PPP1R42: variants seen among roughly 807,000 people sequenced by gnomAD.
The protein encoded by PPP1R42 is leucine rich repeat containing 67.
Under a neutral mutation model 31.0 loss-of-function variants are expected in PPP1R42, and 34 were observed. That is an observed-to-expected ratio of 1.10 (90% confidence interval 0.83 to 1.46). PPP1R42 has a LOEUF of 1.46. Among genes scored for constraint, PPP1R42 ranks in the 40% most tolerant of loss-of-function variants. The pLI, the probability that PPP1R42 is intolerant of heterozygous loss-of-function variation, is 0.00. For missense variants in PPP1R42, 268 were observed against 303.0 expected, an observed-to-expected ratio of 0.88 and a Z score of 0.86; for synonymous variants, 103 against 109.8, an observed-to-expected ratio of 0.94 and a Z score of 0.39.
At chr8:67,023,150 G>C (rs1175895010) in intron 1 of PPP1R42, among the ~76,000 whole-genome samples, 1 of 129,742 alleles carries the variant, frequency 7.7e-6, no homozygotes, top group Non-Finnish European at 1.5e-5. Context: ...TTTTGAGACA[G>C]GGTCTCGCTC....
chr8:67,003,166 C>CAAAAAA (rs529377387), intron 5 of PPP1R42, among the ~76,000 whole-genome samples: 2 of 57,708 alleles, frequency 3.5e-5, no homozygotes, highest in South Asian at 6.9e-4. Flanking sequence ...AACTCCGTCT[C>CAAAAAA]AAAAAAAAAA....
chr8:66,974,608 T>C (rs1199231914), intron 7 of PPP1R42, among the ~76,000 whole-genome samples: 1 of 152,210 alleles, frequency 6.6e-6, no homozygotes, highest in Non-Finnish European at 1.5e-5. Context: ...CTCATATCTA[T>C]TTTGATTCGC....
In PPP1R42 at chr8:67,026,161, C is replaced by T. The variant is rs1424147408; in HGVS notation, c.-85+2330G>A. 3.3e-5 allele frequency among the ~76,000 whole-genome samples: 5 copies of T among 151,216 alleles called. No individual in the cohort carries two copies. In the East Asian group the frequency reaches 9.8e-4, roughly 30 times the overall value. Reference sequence around the variant, plus strand: ...GACCAGCCTGACCAATATGATGAAACCCTGTCTCTACTAAAAATACAAAAA... The same window carrying T: ...GACCAGCCTGACCAATATGATGAAATCCTGTCTCTACTAAAAATACAAAAA... On this transcript the variant is annotated intron_variant, in intron 1 of 7. Transcript: ENST00000685739.
chr8:67,022,744 C>T (rs1816261764), intron 1 of PPP1R42, among the ~76,000 whole-genome samples: 1 of 152,012 alleles, frequency 6.6e-6, no homozygotes, highest in African/African-American at 2.4e-5. Flanking sequence ...ACCAATTACC[C>T]CAGTACTTGG....
At position 67,018,262 on chromosome 8, in the gene PPP1R42, G is replaced by A. The variant is rs1296480574; in HGVS notation, c.-84-431C>T. On this transcript the variant is annotated intron_variant, in intron 1 of 7. Coordinates refer to ENST00000685739, the MANE Select transcript of PPP1R42 (RefSeq NM_001364910.1). ...CTCCCGAGTAGCTGGGATTACAGGA[G>A]CGTGCTACCACGCCCCAGCTAATTT... Among the ~76,000 whole-genome samples, 6 of 102,986 alleles carry A rather than the reference G, an allele frequency of 5.8e-5. No homozygotes were observed. The Admixed American group carries it at 7.0e-4, about 12-fold the overall frequency. 67.6% of individuals were successfully genotyped at this position (102,986 alleles called of 152,430 possible). A position where few individuals can be genotyped will look rare whatever the true frequency, so the allele number is the denominator to read the frequency against.
At chr8:67,018,878 G>A (rs965531387) in intron 1 of PPP1R42, among the ~76,000 whole-genome samples, 4 of 133,760 alleles carry the variant, frequency 3.0e-5, no homozygotes, top group African/African-American at 1.1e-4. Flanking sequence ...CTCCCAGGCT[G>A]GAGTGCAGTG....
intron 5 of PPP1R42, among the ~76,000 whole-genome samples, chr8:67,003,183 A>G (rs1201203157): frequency 2.0e-5 from 3 of 150,694 alleles, no homozygotes; most frequent in Admixed American, 6.6e-5. Context: ...AAAAAAAAAA[A>G]AAAGAAAAAT....
intron 5 of PPP1R42, among the ~76,000 whole-genome samples, chr8:66,999,314 G>C (rs986940260): frequency 1.3e-5 from 2 of 152,040 alleles, no homozygotes; most frequent in Admixed American, 1.3e-4. Flanking sequence ...TCCACCTCTT[G>C]GGTTCAAGAG....
chr8:66,989,338 C>G (rs1187266159), intron 5 of PPP1R42, among the ~76,000 whole-genome samples: 1 of 152,110 alleles, frequency 6.6e-6, no homozygotes, highest in African/African-American at 2.4e-5. Flanking sequence ...ATCTTTGTCC[C>G]TATTTGGGTT....
intron 5 of PPP1R42, among the ~76,000 whole-genome samples, chr8:67,003,400 T>C (rs993448364): frequency 5.4e-5 from 8 of 148,142 alleles, no homozygotes; most frequent in Non-Finnish European, 1.2e-4. Flanking sequence ...TTTTTTTTTT[T>C]TTTTTTTTTT....
chr8:67,028,462 C>T, intron 1 of PPP1R42, 29 bp downstream of exon 1: 1 of 985,020 alleles, frequency 1.0e-6, no homozygotes, highest in Non-Finnish European at 1.2e-6. Flanking sequence ...TTCCTCGGTC[C>T]CCACGCTTAT....
intron 6 of PPP1R42, among the ~76,000 whole-genome samples, chr8:66,983,452 G>GT (rs1382251944): frequency 2.0e-5 from 3 of 151,768 alleles, no homozygotes; most frequent in East Asian, 3.9e-4. Flanking sequence ...TAGAAGGATG[G>GT]TTTTTTTCTT....
chr8:66,964,827 C>T (rs1211313206), intron 7 of PPP1R42, among the ~76,000 whole-genome samples: 2 of 152,006 alleles, frequency 1.3e-5, no homozygotes, highest in Non-Finnish European at 2.9e-5. Flanking sequence ...TAAATTCACC[C>T]AGCTCAGCAA....
chr8:66,998,682 T>C (rs1815400748), intron 5 of PPP1R42, among the ~76,000 whole-genome samples: 1 of 152,222 alleles, frequency 6.6e-6, no homozygotes, highest in Non-Finnish European at 1.5e-5. Flanking sequence ...GTTATGTAGA[T>C]TTTATATAGA....
At chr8:67,010,502 A>G (rs1365671748) in intron 5 of PPP1R42, 3 of 443,340 alleles carry the variant, frequency 6.8e-6, no homozygotes, top group Non-Finnish European at 1.2e-5. Flanking sequence ...TCTGTTGGTG[A>G]GGGATACAGG....
intron 1 of PPP1R42, chr8:67,021,156 C>A (rs763233212): frequency 2.6e-5 from 4 of 151,974 alleles, no homozygotes; most frequent in Non-Finnish European, 4.4e-5. Context: ...CAATAAAATA[C>A]CTCAATGTGA....
chr8:67,022,962 C>G (rs1244556675), intron 1 of PPP1R42, among the ~76,000 whole-genome samples: 1 of 152,086 alleles, frequency 6.6e-6, no homozygotes, highest in African/African-American at 2.4e-5. Flanking sequence ...AATTTATAAA[C>G]AATTCATGAA....
Position 67,017,821 on chromosome 8 carries a change from T to A in PPP1R42, c.-74A>T. ...TGTCAAGAAGTAGGTTTAGGTATTA[T>A]TTCCAACTTTCTGAAGATTAAAGAA... On this transcript the variant is annotated 5_prime_UTR_variant, in exon 2 of 8. Coordinates refer to ENST00000685739, the MANE Select transcript of PPP1R42 (RefSeq NM_001364910.1). 1 of 1,413,118 alleles carries A rather than the reference T, an allele frequency of 7.1e-7. No individual in the cohort carries two copies. The highest frequency in any genetic ancestry group is 1.9e-5 in the South Asian group (1 of 52,478). The allele number at this position is 1,413,118 out of a possible 1,614,324, so 87.5% of individuals were successfully genotyped here.
intron 6 of PPP1R42, 22 bp from the exon 7 acceptor site, chr8:66,982,202 T>G: frequency 8.0e-7 from 1 of 1,249,590 alleles, no homozygotes; most frequent in Non-Finnish European, 1.1e-6. Flanking sequence ...TACATACATT[T>G]AAAAAATACA....
Sources: gnomAD v4.1 joint callset for allele counts (sites outside exome capture counted in the v4.1 genomes callset) on GRCh38, gnomAD v4.1.1 for gene constraint, MANE v1.5 for transcripts, NCBI Gene and HGNC (gene_info 2026-07-23, HGNC 2026-07-21) for gene names.